FOXP1: variants seen among roughly 807,000 people sequenced by gnomAD.
FOXP1 encodes forkhead box protein P1.
FOXP1 carries 15 observed loss-of-function variants against 98.2 expected under a neutral mutation model. The ratio of observed to expected loss-of-function variants is 0.15; its 90% CI spans 0.10 to 0.24. FOXP1 has a LOEUF of 0.24. Among genes scored for constraint, FOXP1 ranks in the 10% least tolerant of loss-of-function variants. The pLI, the probability that FOXP1 is intolerant of heterozygous loss-of-function variation, is 1.00. For missense variants in FOXP1, 633 were observed against 848.5 expected, an observed-to-expected ratio of 0.75 and a Z score of 3.15; for synonymous variants, 371 against 314.5, an observed-to-expected ratio of 1.18 and a Z score of -1.90.
chr3:71,354,387 C>T (rs972940625), intron 4 of FOXP1, among the ~76,000 whole-genome samples: 2 of 152,066 alleles, frequency 1.3e-5, no homozygotes, highest in Non-Finnish European at 2.9e-5. Flanking sequence ...AAAACATATC[C>T]CCAGCAAGAA....
intron 6 of FOXP1, among the ~76,000 whole-genome samples, chr3:71,122,599 A>C (rs919125246): frequency 6.6e-6 from 1 of 152,202 alleles, no homozygotes; most frequent in African/African-American, 2.4e-5. Context: ...CACTGTATTG[A>C]ATTGCTTACT....
In FOXP1 at chr3:71,200,083, C is replaced by CAAAAA. The variant is rs61281811; in HGVS notation, c.-11-1696_-11-1692dup. Among the ~76,000 whole-genome samples the CAAAAA allele has an allele frequency of 7.9e-3, 595 of 75,726 alleles. 25 individuals are homozygous for CAAAAA. Among genetic ancestry groups the CAAAAA allele is most frequent in the African/African-American group, 0.027 (513 of 18,892 alleles). 49.7% of individuals were successfully genotyped at this position (75,726 alleles called of 152,430 possible). A position where few individuals can be genotyped will look rare whatever the true frequency, so the allele number is the denominator to read the frequency against. ...AGCTACAGAGCGAGACTCCATCTCA[C>CAAAAA]AAAAAAAAAAAAAAAAAAAAAAGAG... On this transcript the variant is annotated intron_variant, in intron 5 of 20. Coordinates refer to ENST00000649528, the MANE Select transcript of FOXP1 (RefSeq NM_001349338.3).
chr3:71,319,409 A>C (rs1396491619), intron 4 of FOXP1, among the ~76,000 whole-genome samples: 5 of 152,148 alleles, frequency 3.3e-5, no homozygotes, highest in African/African-American at 1.2e-4. Flanking sequence ...AGTTGCTACT[A>C]ACTACTATGC....
At chr3:71,212,945 T>C (rs1182642496) in intron 5 of FOXP1, among the ~76,000 whole-genome samples, 1 of 83,572 alleles carries the variant, frequency 1.2e-5, no homozygotes, top group East Asian at 3.4e-4. Flanking sequence ...AATTACAAAA[T>C]GGGAATATAT....
At chr3:71,368,872 A>G (rs915445677) in intron 3 of FOXP1, among the ~76,000 whole-genome samples, 4 of 152,228 alleles carry the variant, frequency 2.6e-5, no homozygotes, top group Non-Finnish European at 5.9e-5. Flanking sequence ...GAGGTTCAAC[A>G]GACATGAAGG....
intron 3 of FOXP1, among the ~76,000 whole-genome samples, chr3:71,418,709 A>G (rs1415466196): frequency 6.6e-6 from 1 of 152,168 alleles, no homozygotes; most frequent in African/African-American, 2.4e-5. Context: ...ATAAATCTAA[A>G]CCAAAAGATT....
At chr3:71,543,024 G>A (rs2045003174) in intron 2 of FOXP1, among the ~76,000 whole-genome samples, 1 of 152,172 alleles carries the variant, frequency 6.6e-6, no homozygotes, top group Non-Finnish European at 1.5e-5. Context: ...GCACAATACT[G>A]ACATAACATT....
chr3:71,281,232 T>C (rs201217297), intron 5 of FOXP1, among the ~76,000 whole-genome samples: 1 of 94,948 alleles, frequency 1.1e-5, no homozygotes, highest in Non-Finnish European at 2.2e-5. Context: ...CATCTCAAGA[T>C]AAAAATTTTA....
intron 2 of FOXP1, among the ~76,000 whole-genome samples, chr3:71,556,361 A>T (rs1375195015): frequency 6.6e-6 from 1 of 152,076 alleles, no homozygotes; most frequent in Admixed American, 6.5e-5. Flanking sequence ...GCAGATCACG[A>T]GGTCAGGAGA....
Position 71,015,665 on chromosome 3 carries a change from C to G in FOXP1, c.870-12G>C. Reference sequence around the variant, plus strand: ...CCTCATGGGACAAACTGAAAGAAAACACACAGAAGACCAGAGAATGAATTT... The same window carrying G: ...CCTCATGGGACAAACTGAAAGAAAAGACACAGAAGACCAGAGAATGAATTT... On this transcript the variant is annotated splice_polypyrimidine_tract_variant and intron_variant, in intron 11 of 20. Coordinates refer to ENST00000649528, the MANE Select transcript of FOXP1 (RefSeq NM_001349338.3). 2.6e-6 allele frequency: 4 copies of G among 1,552,968 alleles called. No homozygotes were observed. Among genetic ancestry groups the G allele is most frequent in the Non-Finnish European group, 3.6e-6 (4 of 1,124,750 alleles).
chr3:71,027,718 T>C lies in FOXP1; in HGVS notation c.870-12065A>G, dbSNP rs945364768. On this transcript the variant is annotated intron_variant, in intron 11 of 20. Transcript: ENST00000649528. ...TAAGATTTCTGTATACACATATTAA[T>C]ATTAGAACTTGAAAATGTATATATA... Among the ~76,000 whole-genome samples, 5 of 152,330 alleles carry C rather than the reference T, an allele frequency of 3.3e-5. No individual in the cohort carries two copies. In the South Asian group the frequency reaches 8.3e-4, roughly 25 times the overall value.
At chr3:71,269,623 G>A (rs1218590037) in intron 5 of FOXP1, among the ~76,000 whole-genome samples, 1 of 152,102 alleles carries the variant, frequency 6.6e-6, no homozygotes, top group Non-Finnish European at 1.5e-5. Context: ...GTAAATCAAA[G>A]CTTTGATGCT....
chr3:71,006,457 T>C (rs961144879), intron 12 of FOXP1, among the ~76,000 whole-genome samples: 1 of 152,132 alleles, frequency 6.6e-6, no homozygotes, highest in African/African-American at 2.4e-5. Context: ...GTACCAGTTA[T>C]ACGTTTATGA....
chr3:71,155,852 G>T (rs1338862962), intron 6 of FOXP1, among the ~76,000 whole-genome samples: 1 of 152,190 alleles, frequency 6.6e-6, no homozygotes, highest in Non-Finnish European at 1.5e-5. Context: ...AACTCCACAT[G>T]TGAAACAGAA....
chr3:71,363,734 C>CT (rs961337690), intron 3 of FOXP1, among the ~76,000 whole-genome samples: 1 of 152,182 alleles, frequency 6.6e-6, no homozygotes. Flanking sequence ...AAATCCATTT[C>CT]TTTTTCCTGA....
chr3:71,116,344 G>A (rs530476316), intron 6 of FOXP1, among the ~76,000 whole-genome samples: 9 of 151,902 alleles, frequency 5.9e-5, no homozygotes, highest in African/African-American at 1.9e-4. Context: ...ATACAAGCAC[G>A]GGGGGAAAAG....
intron 5 of FOXP1, among the ~76,000 whole-genome samples, chr3:71,200,774 A>T (rs900654658): frequency 1.3e-5 from 2 of 152,236 alleles, no homozygotes; most frequent in African/African-American, 4.8e-5. Flanking sequence ...ACAACAGGGA[A>T]ATTTCAATCT....
chr3:71,483,268 C>A (rs772337395), intron 3 of FOXP1, among the ~76,000 whole-genome samples: 1 of 152,174 alleles, frequency 6.6e-6, no homozygotes, highest in Non-Finnish European at 1.5e-5. Flanking sequence ...AAGGACCTCA[C>A]TAAATTGTAC....
At chr3:71,537,293 A>T (rs1294264650) in intron 2 of FOXP1, among the ~76,000 whole-genome samples, 1 of 152,204 alleles carries the variant, frequency 6.6e-6, no homozygotes, top group Non-Finnish European at 1.5e-5. Flanking sequence ...TGGCCGAGGC[A>T]TTGCCTTCCC....
Sources: gnomAD v4.1 joint callset for allele counts (sites outside exome capture counted in the v4.1 genomes callset) on GRCh38, gnomAD v4.1.1 for gene constraint, MANE v1.5 for transcripts, NCBI Gene and HGNC (gene_info 2026-07-23, HGNC 2026-07-21) for gene names.